Variants in PHLPP2 observed in about 807,000 individuals in gnomAD.
PHLPP2 encodes PH domain and leucine rich repeat protein phosphatase 2.
Under a neutral mutation model 124.9 loss-of-function variants are expected in PHLPP2, and 66 were observed. That is an observed-to-expected ratio of 0.53 (90% CI 0.43 to 0.65). The LOEUF (loss-of-function observed/expected upper bound fraction) is 0.65, where lower values mean the gene tolerates loss of function less well. PHLPP2 is among the 30% of genes least tolerant of loss of function. The pLI is 0.00. For missense variants in PHLPP2, 1,685 were observed against 1,600.4 expected (o/e 1.05, Z -0.90); for synonymous variants, 681 against 624.7 (o/e 1.09, Z -1.34).
chr16:71,662,354 TG>T (rs571771130), intron 13 of PHLPP2, among the ~76,000 whole-genome samples: 118 of 151,766 alleles, frequency 7.8e-4, no homozygotes, highest in Non-Finnish European at 1.4e-3. Flanking sequence ...CACTTGAACC[TG>T]GGAGGCAGAG....
intron 1 of PHLPP2, among the ~76,000 whole-genome samples, chr16:71,720,392 A>C (rs2045391311): frequency 6.6e-6 from 1 of 152,138 alleles, no homozygotes; most frequent in Admixed American, 6.5e-5. Flanking sequence ...TGTTGGGATT[A>C]TAGTAGTTAG....
intron 18 of PHLPP2, among the ~76,000 whole-genome samples, chr16:71,651,703 T>C (rs1180498630): frequency 1.3e-5 from 2 of 152,274 alleles, no homozygotes; most frequent in Middle Eastern, 3.4e-3. Context: ...TGAACTCTAA[T>C]ATAGAATTCT....
At position 71,723,730 on chromosome 16, in the gene PHLPP2, C is replaced by T. The variant is rs1274321768; in HGVS notation, c.-7+599G>A. ...TCCCTCCCTAGTCCGCTTGCCCGCT[C>T]GCCCGCTCGCTCGCTCGCTGGTCCA... On this transcript the variant is annotated intron_variant, in intron 1 of 18. Transcript: ENST00000568954. 3.4e-5 allele frequency: 35 copies of T among 1,023,570 alleles called. No individual in the cohort carries two copies. In the Admixed American group the frequency reaches 9.5e-4, roughly 28 times the overall value. 63.4% of individuals were successfully genotyped at this position (1,023,570 alleles called of 1,614,324 possible). A position where few individuals can be genotyped will look rare whatever the true frequency, so the allele number is the denominator to read the frequency against.
At position 71,667,344 on chromosome 16, in the gene PHLPP2, AGCAT is replaced by A. The variant is rs771645774; in HGVS notation, c.1629-15_1629-12del. On this transcript the variant is annotated splice_polypyrimidine_tract_variant and intron_variant, in intron 11 of 18. Coordinates refer to ENST00000568954, the MANE Select transcript of PHLPP2 (RefSeq NM_015020.3). ...AAGCTACTCAGAATTCTAAGGGGGG[AGCAT>A]ACAAACAAACACATTAAAAACTTAC... The A allele has an allele frequency of 1.9e-5, 30 of 1,606,202 alleles. No individual in the cohort carries two copies. Among genetic ancestry groups the A allele is most frequent in the African/African-American group, 2.7e-5 (2 of 74,710 alleles).
At chr16:71,689,167 A>T (rs535945894) in intron 4 of PHLPP2, among the ~76,000 whole-genome samples, 1 of 152,056 alleles carries the variant, frequency 6.6e-6, no homozygotes, top group South Asian at 2.1e-4. Context: ...TGATCATTTT[A>T]TGTTTCTATT....
At chr16:71,696,596 C>A (rs1028290173) in intron 3 of PHLPP2, among the ~76,000 whole-genome samples, 5 of 151,210 alleles carry the variant, frequency 3.3e-5, no homozygotes, top group Non-Finnish European at 5.9e-5. Context: ...GAGATTGCAC[C>A]CGGCCTAGAC....
At chr16:71,675,985 T>G (rs2044941860) in intron 9 of PHLPP2, among the ~76,000 whole-genome samples, 1 of 151,954 alleles carries the variant, frequency 6.6e-6, no homozygotes, top group Non-Finnish European at 1.5e-5. Context: ...CCTCCCAAAG[T>G]GCTGGGATTA....
intron 1 of PHLPP2, among the ~76,000 whole-genome samples, chr16:71,717,574 G>A (rs1363341488): frequency 6.6e-6 from 1 of 152,166 alleles, no homozygotes; most frequent in African/African-American, 2.4e-5. Context: ...AGGGACCATC[G>A]TATTTGTACT....
intron 5 of PHLPP2, among the ~76,000 whole-genome samples, chr16:71,683,538 T>C (rs78668529): frequency 0.01 from 1,598 of 152,304 alleles, 22 homozygotes; most frequent in African/African-American, 0.036. Context: ...TTAAATCTCA[T>C]TGTATCTCAA....
chr16:71,697,291 C>A (rs2045182289), intron 3 of PHLPP2, among the ~76,000 whole-genome samples: 1 of 152,084 alleles, frequency 6.6e-6, no homozygotes, highest in Non-Finnish European at 1.5e-5. Context: ...CCTAGCCCAC[C>A]AGACAGGAAA....
At chr16:71,659,933 C>CA in intron 13 of PHLPP2, among the ~76,000 whole-genome samples, 1 of 152,074 alleles carries the variant, frequency 6.6e-6, no homozygotes, top group East Asian at 1.9e-4. Context: ...ATTTGTTTTA[C>CA]AAAAATTTTA....
In PHLPP2 at chr16:71,648,783, CAA is replaced by C; in HGVS notation, c.*105_*106del. On this transcript the variant is annotated 3_prime_UTR_variant, in exon 19 of 19. Coordinates refer to ENST00000568954, the MANE Select transcript of PHLPP2 (RefSeq NM_015020.3). ...AAGACTCCGTCTCAAAACAAACAAA[CAA>C]AAAAAAAACGAACAAACAAAAAGAA... The C allele has an allele frequency of 2.7e-6, 2 of 734,112 alleles. No individual in the cohort carries two copies. The highest frequency in any genetic ancestry group is 2.1e-6 in the Non-Finnish European group (1 of 468,358). The allele number at this position is 734,112 out of a possible 1,614,324, so 45.5% of individuals were successfully genotyped here.
intron 3 of PHLPP2, among the ~76,000 whole-genome samples, chr16:71,696,848 T>C (rs544382222): frequency 6.6e-6 from 1 of 152,080 alleles, no homozygotes; most frequent in Non-Finnish European, 1.5e-5. Flanking sequence ...GTGAGCATTC[T>C]GTTTTGCCAG....
Position 71,656,500 on chromosome 16 carries a change from G to A in PHLPP2, c.2390+71C>T, listed in dbSNP as rs868039074. 4.4e-5 allele frequency: 36 copies of A among 810,452 alleles called. 1 individual carries two copies. In the Middle Eastern group the frequency reaches 9.2e-4, roughly 21 times the overall value. 50.2% of individuals were successfully genotyped at this position (810,452 alleles called of 1,614,324 possible). A position where few individuals can be genotyped will look rare whatever the true frequency, so the allele number is the denominator to read the frequency against. On this transcript the variant is annotated intron_variant, in intron 16 of 18. Coordinates refer to ENST00000568954, the MANE Select transcript of PHLPP2 (RefSeq NM_015020.3). The stretch of plus-strand genomic sequence containing the variant: ...GAACAACATGGCCTAGCTATTATGA[G>A]CATCAGGCCAGTTCTCAGATGCCAG...
At chr16:71,658,463 A>C (rs1455348055) in intron 14 of PHLPP2, 100 bp from the exon 15 acceptor site, 3 of 1,247,040 alleles carry the variant, frequency 2.4e-6, no homozygotes, top group East Asian at 2.4e-5. Context: ...AGAGGAACTT[A>C]ATTTCTTCCC....
intron 3 of PHLPP2, among the ~76,000 whole-genome samples, chr16:71,691,677 CT>C (rs2045115104): frequency 6.6e-6 from 1 of 151,920 alleles, no homozygotes; most frequent in African/African-American, 2.4e-5. Context: ...TATGGAAAAG[CT>C]TATGGGTGGT....
intron 2 of PHLPP2, among the ~76,000 whole-genome samples, chr16:71,704,391 T>C (rs2045258908): frequency 6.6e-6 from 1 of 151,122 alleles, no homozygotes; most frequent in South Asian, 2.1e-4. Flanking sequence ...CAAAAACATA[T>C]GAATGATGTC....
intron 15 of PHLPP2, among the ~76,000 whole-genome samples, chr16:71,657,496 G>A (rs372616080): frequency 5.9e-5 from 9 of 151,720 alleles, no homozygotes; most frequent in South Asian, 2.1e-4. Flanking sequence ...CCGGGTTCAC[G>A]CCATTCTCCT....
intron 3 of PHLPP2, among the ~76,000 whole-genome samples, chr16:71,692,942 T>A (rs1320454649): frequency 6.6e-6 from 1 of 152,150 alleles, no homozygotes; most frequent in East Asian, 1.9e-4. Flanking sequence ...AAGTTCTAGT[T>A]CCACATTTCC....
Sources: allele counts gnomAD v4.1 joint callset (sites outside exome capture counted in the v4.1 genomes callset), GRCh38; gene constraint gnomAD v4.1.1; transcripts MANE v1.5; gene names NCBI Gene and HGNC (gene_info 2026-07-23, HGNC 2026-07-21).